The following NDST4 variants were observed in gnomAD, a reference collection of about 807,000 sequenced individuals.
NDST4 encodes N-deacetylase and N-sulfotransferase 4.
In NDST4, 63 loss-of-function variants were observed where a neutral mutation model predicts 100.8. That is an observed-to-expected ratio of 0.62 (90% CI 0.51 to 0.77). The LOEUF (loss-of-function observed/expected upper bound fraction) is 0.77. Among genes scored for constraint, NDST4 ranks in the 30% least tolerant of loss-of-function variants. The probability of loss-of-function intolerance (pLI) is 0.00; values close to 1 mark genes in which losing one functional copy is unlikely to be tolerated. For synonymous variants in NDST4, 377 were observed against 361.8 expected, an observed-to-expected ratio of 1.04 and a Z score of -0.48; for missense variants, 943 against 1,018.4, an observed-to-expected ratio of 0.93 and a Z score of 1.01.
chr4:115,102,704 C>CTTTTTTTTTTTTTTTTTT lies in NDST4; in HGVS notation c.-247+10722_-247+10739dup, dbSNP rs751431042. ...TTATATACCATATACTTCTGACTTC[C>CTTTTTTTTTTTTTTTTTT]TTTTTTTTTTTTTTTTTTTTTGACA... On this transcript the variant is annotated intron_variant, in intron 1 of 13. Coordinates refer to ENST00000264363, the MANE Select transcript of NDST4 (RefSeq NM_022569.3). 1.8e-4 allele frequency among the ~76,000 whole-genome samples: 16 copies of CTTTTTTTTTTTTTTTTTT among 90,568 alleles called. 1 individual carries two copies. Among genetic ancestry groups the CTTTTTTTTTTTTTTTTTT allele is most frequent in the African/African-American group, 1.9e-4 (4 of 20,750 alleles). The allele number at this position is 90,568 out of a possible 152,430, so 59.4% of individuals were successfully genotyped here.
intron 1 of NDST4, among the ~76,000 whole-genome samples, chr4:115,107,016 G>T (rs1030852276): frequency 1.1e-4 from 17 of 151,916 alleles, no homozygotes; most frequent in African/African-American, 3.9e-4. Context: ...AAATTATCTG[G>T]GTGAGGTGGT....
At chr4:114,979,345 A>G (rs1171892125) in intron 2 of NDST4, among the ~76,000 whole-genome samples, 1 of 150,426 alleles carries the variant, frequency 6.6e-6, no homozygotes, top group Non-Finnish European at 1.5e-5. Context: ...TAGTCTATGC[A>G]CCTGAAGCTC....
chr4:114,869,686 GAATAT>G (rs1724106502), intron 7 of NDST4, among the ~76,000 whole-genome samples: 1 of 152,094 alleles, frequency 6.6e-6, no homozygotes, highest in African/African-American at 2.4e-5. Context: ...TAAATCATCA[GAATAT>G]AATATGACAT....
intron 13 of NDST4, among the ~76,000 whole-genome samples, chr4:114,828,189 G>A (rs1458015040): frequency 2.0e-5 from 3 of 152,050 alleles, no homozygotes; most frequent in South Asian, 4.1e-4. Flanking sequence ...TTTATTGTGG[G>A]ATATATGAAG....
intron 2 of NDST4, among the ~76,000 whole-genome samples, chr4:115,039,815 T>C (rs749187533): frequency 3.3e-5 from 5 of 152,138 alleles, no homozygotes; most frequent in Admixed American, 2.0e-4. Flanking sequence ...CTTACATTTA[T>C]ATAAGTCTTA....
chr4:114,845,014 C>T (rs1436826224), intron 10 of NDST4, among the ~76,000 whole-genome samples: 1 of 151,790 alleles, frequency 6.6e-6, no homozygotes, highest in Non-Finnish European at 1.5e-5. Flanking sequence ...AGAAAAACAT[C>T]ATAATTGTTG....
intron 2 of NDST4, among the ~76,000 whole-genome samples, chr4:115,047,956 G>T (rs1362815192): frequency 6.6e-6 from 1 of 151,972 alleles, no homozygotes; most frequent in African/African-American, 2.4e-5. Flanking sequence ...GTTAAATGAG[G>T]TGCCATTATG....
At chr4:115,063,370 T>G (rs1015463164) in intron 2 of NDST4, among the ~76,000 whole-genome samples, 6 of 151,934 alleles carry the variant, frequency 3.9e-5, no homozygotes, top group African/African-American at 1.4e-4. Context: ...CTATGACTAC[T>G]TTAACAGCTT....
chr4:115,008,196 C>T (rs192891036), intron 2 of NDST4, among the ~76,000 whole-genome samples: 2 of 129,372 alleles, frequency 1.5e-5, no homozygotes, highest in Admixed American at 7.8e-5. Flanking sequence ...AGCATTTAGG[C>T]CATTTACATT....
intron 1 of NDST4, among the ~76,000 whole-genome samples, chr4:115,093,981 C>T (rs982630108): frequency 6.6e-6 from 1 of 151,722 alleles, no homozygotes; most frequent in African/African-American, 2.4e-5. Flanking sequence ...AAAAATAAAG[C>T]AAGAAGCTGA....
intron 2 of NDST4, among the ~76,000 whole-genome samples, chr4:115,025,797 T>C (rs1161540580): frequency 2.0e-5 from 3 of 152,162 alleles, no homozygotes; most frequent in Non-Finnish European, 4.4e-5. Flanking sequence ...TGGGTTGAAA[T>C]ACAAAGATAT....
intron 11 of NDST4, among the ~76,000 whole-genome samples, chr4:114,837,818 T>C (rs1723335243): frequency 6.6e-6 from 1 of 152,096 alleles, no homozygotes; most frequent in African/African-American, 2.4e-5. Flanking sequence ...AAAGCCAAAA[T>C]TAGCAAATGG....
chr4:114,910,196 T>G (rs1725035786), intron 6 of NDST4, among the ~76,000 whole-genome samples: 1 of 152,152 alleles, frequency 6.6e-6, no homozygotes, highest in African/African-American at 2.4e-5. Context: ...CAAGATCCAC[T>G]CAAGAGCTTG....
At chr4:114,900,311 C>A (rs544772299) in intron 6 of NDST4, among the ~76,000 whole-genome samples, 2 of 151,930 alleles carry the variant, frequency 1.3e-5, no homozygotes, top group Non-Finnish European at 2.9e-5. Context: ...TACTGATTTT[C>A]GGTTTACAAT....
chr4:115,108,785 A>G (rs1729882421), intron 1 of NDST4, among the ~76,000 whole-genome samples: 1 of 151,884 alleles, frequency 6.6e-6, no homozygotes, highest in Non-Finnish European at 1.5e-5. Flanking sequence ...TTGATTGCTT[A>G]TTGCAACTTA....
chr4:114,956,893 A>G (rs778555807), intron 4 of NDST4, among the ~76,000 whole-genome samples: 1 of 152,222 alleles, frequency 6.6e-6, no homozygotes, highest in Non-Finnish European at 1.5e-5. Flanking sequence ...AAAAAATACA[A>G]GATATACAAA....
intron 8 of NDST4, among the ~76,000 whole-genome samples, chr4:114,851,010 A>T (rs749305806): frequency 6.6e-6 from 1 of 152,144 alleles, no homozygotes; most frequent in African/African-American, 2.4e-5. Flanking sequence ...CTCTTCTGGG[A>T]TTCAGCAATG....
intron 2 of NDST4, among the ~76,000 whole-genome samples, chr4:115,026,380 T>C (rs1727984571): frequency 6.6e-6 from 1 of 151,036 alleles, no homozygotes. Context: ...ATACCTACAT[T>C]CACATGCATT....
intron 1 of NDST4, among the ~76,000 whole-genome samples, chr4:115,080,445 T>C (rs1729277620): frequency 6.6e-6 from 1 of 152,154 alleles, no homozygotes; most frequent in Admixed American, 6.5e-5. Flanking sequence ...CCAAATGAAA[T>C]TCTTTAATGT....
Sources: gnomAD v4.1 joint callset for allele counts (sites outside exome capture counted in the v4.1 genomes callset) on GRCh38, gnomAD v4.1.1 for gene constraint, MANE v1.5 for transcripts, NCBI Gene and HGNC (gene_info 2026-07-23, HGNC 2026-07-21) for gene names.